Variants in ADAMTSL1 observed in about 807,000 individuals in gnomAD.
The protein encoded by ADAMTSL1 is ADAMTS like 1.
A neutral mutation model predicts 201.8 loss-of-function variants in ADAMTSL1; 126 were observed. That is an observed-to-expected ratio of 0.62 (90% CI 0.54 to 0.72). The LOEUF is 0.72. Among genes scored for constraint, ADAMTSL1 ranks in the 30% least tolerant of loss-of-function variants. ADAMTSL1 has a pLI of 0.00. For missense variants in ADAMTSL1, 2,679 were observed against 2,277.8 expected (o/e 1.18, Z -3.59); for synonymous variants, 1,121 against 903.4 (o/e 1.24, Z -4.32).
At chr9:18,074,320 G>C (rs1309947361) in intron 1 of ADAMTSL1, among the ~76,000 whole-genome samples, 2 of 152,180 alleles carry the variant, frequency 1.3e-5, no homozygotes, top group Non-Finnish European at 2.9e-5. Flanking sequence ...GCTGCCAAAA[G>C]ATGGAGTGCA....
At chr9:18,274,071 C>T (rs562192769) in intron 2 of ADAMTSL1, among the ~76,000 whole-genome samples, 2 of 152,280 alleles carry the variant, frequency 1.3e-5, no homozygotes, top group East Asian at 3.9e-4. Context: ...TAGAATGAAG[C>T]TATGGAAGAG....
At chr9:18,122,749 A>G (rs1345892338) in intron 1 of ADAMTSL1, among the ~76,000 whole-genome samples, 4 of 152,144 alleles carry the variant, frequency 2.6e-5, no homozygotes, top group Admixed American at 6.6e-5. Flanking sequence ...TGTCTGGAAG[A>G]AGCTGTACAA....
At chr9:17,906,748 G>C (rs1299689254) in exon 1 of ADAMTSL1, 2 of 152,894 alleles carry the variant, frequency 1.3e-5, no homozygotes, top group Non-Finnish European at 2.9e-5. Flanking sequence ...CCGCCGCCGC[G>C]GAGCCACCGC....
intron 2 of ADAMTSL1, among the ~76,000 whole-genome samples, chr9:18,260,128 A>C (rs1831858972): frequency 6.6e-6 from 1 of 152,218 alleles, no homozygotes. Context: ...GGAAAGCTTT[A>C]ATTCCATTTC....
intron 2 of ADAMTSL1, among the ~76,000 whole-genome samples, chr9:18,346,639 G>A (rs1277837854): frequency 6.6e-6 from 1 of 152,178 alleles, no homozygotes; most frequent in Non-Finnish European, 1.5e-5. Flanking sequence ...ATTGCACACA[G>A]TTGAAACTTT....
intron 1 of ADAMTSL1, among the ~76,000 whole-genome samples, chr9:18,121,328 A>T (rs1184733527): frequency 6.6e-6 from 1 of 152,202 alleles, no homozygotes; most frequent in African/African-American, 2.4e-5. Context: ...TTACACCGAC[A>T]AAAAACTCAA....
chr9:18,730,671 G>T (rs561580896), intron 15 of ADAMTSL1, among the ~76,000 whole-genome samples: 1 of 152,342 alleles, frequency 6.6e-6, no homozygotes, highest in African/African-American at 2.4e-5. Context: ...AAGAATGATT[G>T]TCACTGCATT....
intron 2 of ADAMTSL1, among the ~76,000 whole-genome samples, chr9:18,340,131 G>A (rs1447342972): frequency 2.0e-5 from 3 of 152,136 alleles, no homozygotes; most frequent in Admixed American, 2.0e-4. Flanking sequence ...AAACAAATGG[G>A]AAATCTGGGG....
At chr9:18,239,013 T>C (rs1830955325) in intron 2 of ADAMTSL1, among the ~76,000 whole-genome samples, 1 of 152,246 alleles carries the variant, frequency 6.6e-6, no homozygotes, top group Non-Finnish European at 1.5e-5. Context: ...TACTGTAATC[T>C]ATTAAGTTTA....
intron 1 of ADAMTSL1, among the ~76,000 whole-genome samples, chr9:18,049,681 C>A (rs965887193): frequency 6.6e-6 from 1 of 151,090 alleles, no homozygotes; most frequent in Non-Finnish European, 1.5e-5. Flanking sequence ...TGCAGTGCAG[C>A]GGTGCCATCT....
chr9:18,348,978 G>A (rs2133012729), intron 2 of ADAMTSL1, among the ~76,000 whole-genome samples: 2 of 152,234 alleles, frequency 1.3e-5, no homozygotes, highest in South Asian at 4.1e-4. Context: ...TGTTGACCAT[G>A]AAGGCAAGTA....
chr9:18,196,041 A>T (rs770066877), intron 2 of ADAMTSL1, among the ~76,000 whole-genome samples: 1 of 152,154 alleles, frequency 6.6e-6, no homozygotes, highest in African/African-American at 2.4e-5. Flanking sequence ...ATAAGTTTGT[A>T]TATTTTAGAA....
At chr9:18,785,646 A>G (rs1821667960) in intron 19 of ADAMTSL1, among the ~76,000 whole-genome samples, 1 of 152,242 alleles carries the variant, frequency 6.6e-6, no homozygotes, top group South Asian at 2.1e-4. Flanking sequence ...GATGAGACTC[A>G]GGCAAAAGCT....
At chr9:18,738,870 A>C (rs1818664538) in intron 15 of ADAMTSL1, among the ~76,000 whole-genome samples, 1 of 152,222 alleles carries the variant, frequency 6.6e-6, no homozygotes, top group African/African-American at 2.4e-5. Flanking sequence ...CTTGTGTATG[A>C]GAAATATTAT....
At chr9:18,300,630 GT>G (rs1172032523) in intron 2 of ADAMTSL1, among the ~76,000 whole-genome samples, 13 of 152,054 alleles carry the variant, frequency 8.5e-5, no homozygotes, top group Non-Finnish European at 1.8e-4. Context: ...ACAACTCCAA[GT>G]GAAATGATTT....
intron 17 of ADAMTSL1, among the ~76,000 whole-genome samples, chr9:18,771,567 C>T (rs1174326927): frequency 1.3e-5 from 2 of 152,148 alleles, no homozygotes; most frequent in Non-Finnish European, 2.9e-5. Flanking sequence ...AGAAGTCCCC[C>T]AAAATTGTTG....
At chr9:18,389,841 A>G (rs1039162684) in intron 2 of ADAMTSL1, among the ~76,000 whole-genome samples, 16 of 152,310 alleles carry the variant, frequency 1.1e-4, no homozygotes, top group African/African-American at 3.9e-4. Flanking sequence ...TTAAGTCCAA[A>G]TATTTACAGA....
intron 2 of ADAMTSL1, among the ~76,000 whole-genome samples, chr9:18,381,852 AT>A (rs1439479860): frequency 6.6e-6 from 1 of 152,096 alleles, no homozygotes; most frequent in Non-Finnish European, 1.5e-5. Flanking sequence ...AGTAAGGATG[AT>A]TTTAAAGACA....
chr9:18,445,264 C>G (rs987870261), intron 2 of ADAMTSL1, among the ~76,000 whole-genome samples: 1 of 152,120 alleles, frequency 6.6e-6, no homozygotes, highest in African/African-American at 2.4e-5. Context: ...CAATCTGTCA[C>G]CACCATTAAG....
Sources: allele counts gnomAD v4.1 joint callset (sites outside exome capture counted in the v4.1 genomes callset), GRCh38; gene constraint gnomAD v4.1.1; transcripts MANE v1.5; gene names NCBI Gene and HGNC (gene_info 2026-07-23, HGNC 2026-07-21).